Variants in STXBP5 observed in about 807,000 individuals in gnomAD.
The protein encoded by STXBP5 is syntaxin binding protein 5, also known as syntaxin-binding protein 5.
A neutral mutation model predicts 152.4 loss-of-function variants in STXBP5; 50 were observed. The observed-to-expected ratio is 0.33, with a 90% confidence interval of 0.26 to 0.42. STXBP5 has a LOEUF of 0.42. Among genes scored for constraint, STXBP5 ranks in the 10% least tolerant of loss-of-function variants. The pLI, the probability that STXBP5 is intolerant of heterozygous loss-of-function variation, is 1.00. For synonymous variants in STXBP5, 492 were observed against 494.7 expected (o/e 0.99, Z 0.07); for missense variants, 1,167 against 1,388.6 (o/e 0.84, Z 2.54).
chr6:147,386,719 A>G lies in STXBP5; in HGVS notation c.*1964A>G, dbSNP rs1786356309. 1 of 151,818 alleles carries G rather than the reference A, an allele frequency of 6.6e-6. No individual in the cohort carries two copies. The highest frequency in any genetic ancestry group is 2.4e-5 in the African/African-American group (1 of 41,418). The allele number at this position is 151,818 out of a possible 1,614,324, so 9.4% of individuals were successfully genotyped here. ...CATAGTTCCATGATATGTCACAGGAATTGTTAGGTCCTATTTTAAAGGTAC... is the reference window on the plus strand; with the variant it reads ...CATAGTTCCATGATATGTCACAGGAGTTGTTAGGTCCTATTTTAAAGGTAC... On this transcript the variant is annotated 3_prime_UTR_variant, in exon 28 of 28. Coordinates refer to ENST00000321680, the MANE Select transcript of STXBP5 (RefSeq NM_001127715.4).
At chr6:147,339,816 A>G (rs1054894636) in intron 21 of STXBP5, among the ~76,000 whole-genome samples, 6 of 151,932 alleles carry the variant, frequency 3.9e-5, no homozygotes, top group African/African-American at 1.4e-4. Context: ...CTTTTAGTCT[A>G]TAATCTGTAC....
chr6:147,343,136 C>T (rs1224477054), intron 21 of STXBP5, among the ~76,000 whole-genome samples: 7 of 152,060 alleles, frequency 4.6e-5, no homozygotes, highest in African/African-American at 1.2e-4. Context: ...TATTGGGCAC[C>T]TCCTAAATTC....
chr6:147,263,807 G>A (rs1779757317), intron 6 of STXBP5, among the ~76,000 whole-genome samples: 1 of 151,900 alleles, frequency 6.6e-6, no homozygotes, highest in African/African-American at 2.4e-5. Flanking sequence ...TGATAATCCT[G>A]ACAGAAAATG....
intron 2 of STXBP5, among the ~76,000 whole-genome samples, chr6:147,213,271 C>CT (rs1245892684): frequency 0.017 from 2,455 of 142,804 alleles, 60 homozygotes; most frequent in African/African-American, 0.057. Context: ...TTTTTTCTTT[C>CT]TTTTTTTTTT....
chr6:147,290,950 G>A (rs577126025), intron 8 of STXBP5, 144 bp from the exon 9 acceptor site: 2 of 512,482 alleles, frequency 3.9e-6, no homozygotes, highest in East Asian at 6.5e-5. Context: ...ATATCTTACT[G>A]TGTATTAAAT....
At chr6:147,350,106 A>T (rs962146334) in intron 21 of STXBP5, among the ~76,000 whole-genome samples, 6 of 152,212 alleles carry the variant, frequency 3.9e-5, no homozygotes, top group African/African-American at 1.4e-4. Context: ...TGTATTCAAC[A>T]ATCTTTCCAG....
At chr6:147,255,922 T>A (rs1779337074) in intron 4 of STXBP5, among the ~76,000 whole-genome samples, 1 of 152,196 alleles carries the variant, frequency 6.6e-6, no homozygotes, top group Admixed American at 6.5e-5. Context: ...AAGCAGGTAT[T>A]TTTTGGACTG....
chr6:147,370,485 T>C (rs1230111315), intron 25 of STXBP5, among the ~76,000 whole-genome samples: 1 of 152,084 alleles, frequency 6.6e-6, no homozygotes, highest in Non-Finnish European at 1.5e-5. Context: ...AATGGTATGT[T>C]TATAGATTGA....
intron 2 of STXBP5, among the ~76,000 whole-genome samples, chr6:147,211,193 C>T (rs1562410268): frequency 6.6e-6 from 1 of 151,794 alleles, no homozygotes. Context: ...GCCTGTAATC[C>T]CAGCTACTCA....
chr6:147,364,280 A>G (rs1785195863), intron 25 of STXBP5, 114 bp downstream of exon 25: 7 of 917,956 alleles, frequency 7.6e-6, no homozygotes, highest in Non-Finnish European at 1.1e-5. Context: ...TGCTTGGGAA[A>G]ATCCAGACTG....
intron 7 of STXBP5, among the ~76,000 whole-genome samples, chr6:147,273,706 C>T (rs1166421673): frequency 6.6e-6 from 1 of 152,160 alleles, no homozygotes; most frequent in Admixed American, 6.5e-5. Context: ...AATCCCAGCA[C>T]TTTGGGAGGC....
chr6:147,273,230 A>G (rs574881183), intron 7 of STXBP5, among the ~76,000 whole-genome samples: 1 of 141,002 alleles, frequency 7.1e-6, no homozygotes, highest in Non-Finnish European at 1.5e-5. Context: ...TGGTAGTGGT[A>G]GCATGTACCT....
chr6:147,245,589 A>G (rs765849383), intron 4 of STXBP5, among the ~76,000 whole-genome samples: 4 of 152,168 alleles, frequency 2.6e-5, no homozygotes, highest in African/African-American at 9.7e-5. Context: ...CCTCTGTTAC[A>G]GATTGAATTG....
rs143097802 is a variant in STXBP5 at position 147,237,859 on chromosome 6, A to G, written c.331-1311A>G. ...AATACCCTAAAAGATTGGTCTTGCA[A>G]ATCTTTTTTGAAATTAATGTAAATT... On this transcript the variant is annotated intron_variant, in intron 3 of 27. Transcript: ENST00000321680. Among the ~76,000 whole-genome samples, 955 of 152,290 alleles carry G rather than the reference A, an allele frequency of 6.3e-3. 13 individuals are homozygous for G. The highest frequency in any genetic ancestry group is 0.021 in the African/African-American group (868 of 41,554).
chr6:147,207,350 A>G (rs1201698050), intron 2 of STXBP5, among the ~76,000 whole-genome samples: 1 of 152,230 alleles, frequency 6.6e-6, no homozygotes, highest in East Asian at 1.9e-4. Flanking sequence ...AGTCTACTAT[A>G]CATAGTAAAT....
rs1034937908 is a variant in STXBP5 at position 147,389,970 on chromosome 6, A to G, written c.*5215A>G. On this transcript the variant is annotated 3_prime_UTR_variant, in exon 28 of 28. Transcript: ENST00000321680. ...TGTAAATGCATTACCAAAAGACAATATGAAAAAGAGCAAGATTAAGTTTTT... is the reference window on the plus strand; with the variant it reads ...TGTAAATGCATTACCAAAAGACAATGTGAAAAAGAGCAAGATTAAGTTTTT... The G allele has an allele frequency of 3.3e-5, 5 of 151,966 alleles. No individual in the cohort carries two copies. The highest frequency in any genetic ancestry group is 7.4e-5 in the Non-Finnish European group (5 of 67,910). 9.4% of individuals were successfully genotyped at this position (151,966 alleles called of 1,614,324 possible).
intron 9 of STXBP5, among the ~76,000 whole-genome samples, chr6:147,299,691 A>G (rs1043891385): frequency 6.6e-6 from 1 of 152,052 alleles, no homozygotes; most frequent in Non-Finnish European, 1.5e-5. Context: ...TTTTTTAACA[A>G]AGTACTAGCA....
chr6:147,263,801 A>G (rs553188328), intron 6 of STXBP5, among the ~76,000 whole-genome samples: 1 of 152,102 alleles, frequency 6.6e-6, no homozygotes, highest in South Asian at 2.1e-4. Flanking sequence ...CTTCCCTGAT[A>G]ATCCTGACAG....
chr6:147,383,942 G>C (rs1028886558), intron 27 of STXBP5, among the ~76,000 whole-genome samples: 2 of 151,966 alleles, frequency 1.3e-5, no homozygotes, highest in Admixed American at 6.6e-5. Flanking sequence ...ATACAGGCTT[G>C]TGGTGGTCAA....
Sources: gnomAD v4.1 joint callset for allele counts (sites outside exome capture counted in the v4.1 genomes callset) on GRCh38, gnomAD v4.1.1 for gene constraint, MANE v1.5 for transcripts, NCBI Gene and HGNC (gene_info 2026-07-23, HGNC 2026-07-21) for gene names.